Variants in NELL1 observed in about 807,000 individuals in gnomAD.
NELL1 encodes the protein protein kinase C-binding protein NELL1.
Under a neutral mutation model 107.4 loss-of-function variants are expected in NELL1, and 76 were observed. That is an observed-to-expected ratio of 0.71 (90% CI 0.59 to 0.86). The LOEUF is 0.86. NELL1 is among the 40% of genes least tolerant of loss of function. The pLI is 0.00. For synonymous variants in NELL1, 353 were observed against 341.2 expected (o/e 1.03, Z -0.38); for missense variants, 1,024 against 1,005.5 (o/e 1.02, Z -0.25).
In NELL1 at chr11:21,229,511, C is replaced by A; in HGVS notation, c.1549+57C>A. 3 of 1,607,906 alleles carry A rather than the reference C, an allele frequency of 1.9e-6. 1 individual carries two copies. The highest frequency in any genetic ancestry group is 2.6e-6 in the Non-Finnish European group (3 of 1,176,376). On this transcript the variant is annotated intron_variant, in intron 14 of 19. Transcript: ENST00000357134. ...GCAGCCATTCTGCCTGGGCTCTTGGCACTTGTGCGTCGGACCTTCTTGGTA... is the reference window on the plus strand; with the variant it reads ...GCAGCCATTCTGCCTGGGCTCTTGGAACTTGTGCGTCGGACCTTCTTGGTA...
At chr11:20,898,495 C>A (rs1408091738) in intron 5 of NELL1, among the ~76,000 whole-genome samples, 1 of 151,556 alleles carries the variant, frequency 6.6e-6, no homozygotes, top group East Asian at 2.0e-4. Flanking sequence ...GGGTACAGCA[C>A]ACCAACATGG....
At chr11:21,123,715 C>A (rs988233053) in intron 13 of NELL1, among the ~76,000 whole-genome samples, 1 of 152,072 alleles carries the variant, frequency 6.6e-6, no homozygotes, top group Non-Finnish European at 1.5e-5. Flanking sequence ...AGAAAACAAT[C>A]AGTCACAATT....
At chr11:20,726,963 A>G (rs1054467409) in intron 2 of NELL1, among the ~76,000 whole-genome samples, 2 of 152,166 alleles carry the variant, frequency 1.3e-5, no homozygotes, top group African/African-American at 4.8e-5. Flanking sequence ...TCCATGGTGT[A>G]TATGTGCCAC....
chr11:21,134,195 G>C (rs1855689733), intron 13 of NELL1, among the ~76,000 whole-genome samples: 1 of 152,224 alleles, frequency 6.6e-6, no homozygotes, highest in Admixed American at 6.5e-5. Flanking sequence ...GAAAGTCTAT[G>C]ATTCTAAGTG....
At chr11:21,352,210 A>G (rs778182664) in intron 14 of NELL1, among the ~76,000 whole-genome samples, 2 of 152,088 alleles carry the variant, frequency 1.3e-5, no homozygotes, top group Non-Finnish European at 1.5e-5. Context: ...AATATTTCTT[A>G]TCTCCTTTAC....
chr11:21,183,324 A>G (rs951232451), intron 13 of NELL1, among the ~76,000 whole-genome samples: 3 of 151,936 alleles, frequency 2.0e-5, no homozygotes, highest in African/African-American at 7.3e-5. Context: ...ATAATAAATG[A>G]TTGTTGCTGA....
intron 2 of NELL1, among the ~76,000 whole-genome samples, chr11:20,758,641 C>T (rs1856351109): frequency 6.6e-6 from 1 of 152,150 alleles, no homozygotes; most frequent in African/African-American, 2.4e-5. Context: ...TAGAGGTCCT[C>T]TCAGGCCAGA....
At chr11:20,833,365 A>T (rs868579882) in intron 3 of NELL1, among the ~76,000 whole-genome samples, 52 of 152,206 alleles carry the variant, frequency 3.4e-4, no homozygotes, top group African/African-American at 1.2e-3. Flanking sequence ...TTTCTATAAG[A>T]GTGACTGTGA....
At chr11:21,173,894 C>A (rs139894483) in intron 13 of NELL1, among the ~76,000 whole-genome samples, 3 of 151,684 alleles carry the variant, frequency 2.0e-5, no homozygotes, top group Admixed American at 1.3e-4. Flanking sequence ...TTAGATGATA[C>A]CTAATCTCTG....
rs140803967 is a variant in NELL1, at chr11:21,093,061, A to G, written c.1301-20528A>G. ...GGCAGTGGAGAGCTACTGAATGTTT[A>G]CCATTGGTTCAGGGGTGGGAGGAGG... On this transcript the variant is annotated intron_variant, in intron 12 of 19. Coordinates refer to ENST00000357134, the MANE Select transcript of NELL1 (RefSeq NM_006157.5). Among the ~76,000 whole-genome samples, 360 of 152,270 alleles carry G rather than the reference A, an allele frequency of 2.4e-3. 6 individuals carry two copies. The highest frequency in any genetic ancestry group is 0.023 in the South Asian group (109 of 4,822).
intron 3 of NELL1, among the ~76,000 whole-genome samples, chr11:20,826,878 G>A (rs1857896574): frequency 6.6e-6 from 1 of 151,254 alleles, no homozygotes; most frequent in Admixed American, 6.7e-5. Context: ...ATTTAGCTGA[G>A]TTGAAGGGAA....
chr11:21,265,433 C>G (rs1442853831), intron 14 of NELL1, among the ~76,000 whole-genome samples: 1 of 152,004 alleles, frequency 6.6e-6, no homozygotes, highest in African/African-American at 2.4e-5. Flanking sequence ...TCCTTTAAAT[C>G]TGGCTCTCCA....
intron 15 of NELL1, among the ~76,000 whole-genome samples, chr11:21,381,706 A>G (rs965442888): frequency 6.6e-6 from 1 of 151,892 alleles, no homozygotes; most frequent in Non-Finnish European, 1.5e-5. Context: ...CTCTCACTGT[A>G]CAATTCAAGT....
chr11:20,904,274 C>A (rs1287955519), intron 5 of NELL1, among the ~76,000 whole-genome samples: 1 of 150,568 alleles, frequency 6.6e-6, no homozygotes, highest in African/African-American at 2.4e-5. Flanking sequence ...AAAATAGCTA[C>A]AAGAGAAGAT....
At chr11:21,376,190 T>A (rs1029300058) in intron 15 of NELL1, among the ~76,000 whole-genome samples, 3 of 152,138 alleles carry the variant, frequency 2.0e-5, no homozygotes, top group Admixed American at 2.0e-4. Flanking sequence ...GTCTTATATT[T>A]AATTCTTTAA....
intron 14 of NELL1, among the ~76,000 whole-genome samples, chr11:21,347,587 A>G (rs915841834): frequency 1.1e-4 from 17 of 152,308 alleles, no homozygotes; most frequent in African/African-American, 3.8e-4. Flanking sequence ...GGGCAACAAG[A>G]GCAAAACTCT....
Position 21,560,176 on chromosome 11 carries a change from T to C in NELL1, c.1787-13T>C. 1 of 1,612,950 alleles carries C rather than the reference T, an allele frequency of 6.2e-7. No individual in the cohort carries two copies. The highest frequency in any genetic ancestry group is 8.5e-7 in the Non-Finnish European group (1 of 1,179,106). On this transcript the variant is annotated splice_polypyrimidine_tract_variant and intron_variant, in intron 16 of 19. Transcript: ENST00000357134. ...TGGCTAGATTCTAAGCTTCTGTGCTTCCTATATTGCAGACATTGATGAATG... is the reference window on the plus strand; with the variant it reads ...TGGCTAGATTCTAAGCTTCTGTGCTCCCTATATTGCAGACATTGATGAATG...
intron 13 of NELL1, among the ~76,000 whole-genome samples, chr11:21,176,940 C>G (rs117580174): frequency 0.042 from 6,349 of 151,448 alleles, 204 homozygotes; most frequent in Non-Finnish European, 0.064. Context: ...TTGGTCAAGT[C>G]GAGTTCTTCA....
chr11:20,817,401 C>A (rs1457176976), intron 3 of NELL1, among the ~76,000 whole-genome samples: 3 of 152,062 alleles, frequency 2.0e-5, no homozygotes, highest in Non-Finnish European at 4.4e-5. Context: ...TCCATTTCCT[C>A]TAGATTTTCG....
Sources: gnomAD v4.1 joint callset for allele counts (sites outside exome capture counted in the v4.1 genomes callset) on GRCh38, gnomAD v4.1.1 for gene constraint, MANE v1.5 for transcripts, NCBI Gene and HGNC (gene_info 2026-07-23, HGNC 2026-07-21) for gene names.